The following NPAS3 variants were observed in gnomAD, a reference collection of about 807,000 sequenced individuals.
The protein encoded by NPAS3 is neuronal PAS domain-containing protein 3.
A neutral mutation model predicts 73.1 loss-of-function variants in NPAS3; 14 were observed. The observed-to-expected ratio is 0.19, with a 90% CI of 0.13 to 0.30. NPAS3 has a LOEUF of 0.30. Ranked by LOEUF, NPAS3 falls within the 10% of genes least tolerant of loss-of-function variation. The pLI, the probability that NPAS3 is intolerant of heterozygous loss-of-function variation, is 1.00. For synonymous variants in NPAS3, 620 were observed against 541.5 expected (o/e 1.14, Z -2.01); for missense variants, 1,096 against 1,250.0 (o/e 0.88, Z 1.86).
chr14:33,591,357 A>C (rs2057058732), intron 5 of NPAS3, among the ~76,000 whole-genome samples: 1 of 152,156 alleles, frequency 6.6e-6, no homozygotes, highest in African/African-American at 2.4e-5. Context: ...CACACAAACA[A>C]TTATACTAAA....
At chr14:33,521,724 T>A (rs1345591756) in intron 4 of NPAS3, among the ~76,000 whole-genome samples, 11 of 152,168 alleles carry the variant, frequency 7.2e-5, no homozygotes, top group Admixed American at 7.2e-4. Flanking sequence ...TCTTATTGAA[T>A]TGTATTTCTA....
chr14:33,008,356 C>T (rs532460932), intron 1 of NPAS3, among the ~76,000 whole-genome samples: 1 of 152,082 alleles, frequency 6.6e-6, no homozygotes, highest in South Asian at 2.1e-4. Flanking sequence ...TTATGCTAAA[C>T]AAAAAAGTCA....
Position 33,784,721 on chromosome 14 carries a change from TTTTA to T in NPAS3, c.1153+6173_1153+6176del, listed in dbSNP as rs1555333477. Among the ~76,000 whole-genome samples, 981 of 103,580 alleles carry T rather than the reference TTTTA, an allele frequency of 9.5e-3. 4 individuals carry two copies. The highest frequency in any genetic ancestry group is 0.018 in the Middle Eastern group (3 of 166). The allele number at this position is 103,580 out of a possible 152,430, so 68.0% of individuals were successfully genotyped here. A position where few individuals can be genotyped will look rare whatever the true frequency, so the allele number is the denominator to read the frequency against. Reference sequence around the variant, plus strand: ...AGCTGCTTTTATTTTTTATTGTTATTTTTATTTATTTATTTATTTATTTATTTTT... The same window carrying T: ...AGCTGCTTTTATTTTTTATTGTTATTTTTATTTATTTATTTATTTATTTTT... On this transcript the variant is annotated intron_variant, in intron 9 of 11. Coordinates refer to ENST00000356141, the Ensembl canonical transcript of NPAS3.
chr14:33,124,782 A>G lies in NPAS3; in HGVS notation c.140+68788A>G, dbSNP rs979165532. On this transcript the variant is annotated intron_variant, in intron 2 of 11. Coordinates refer to ENST00000356141, the Ensembl canonical transcript of NPAS3. ...TTTTAAGCAGACTTTATAATTGAGT[A>G]TAAAATAAGAAAGATGTTTAAACAT... 5.9e-5 allele frequency among the ~76,000 whole-genome samples: 9 copies of G among 152,142 alleles called. No homozygotes were observed. The South Asian group carries it at 1.5e-3, about 25-fold the overall frequency.
At chr14:33,022,664 C>CAAAAA (rs34475386) in intron 1 of NPAS3, among the ~76,000 whole-genome samples, 1 of 97,462 alleles carries the variant, frequency 1.0e-5, no homozygotes. Flanking sequence ...GACTCCGTCC[C>CAAAAA]AAAAAAAAAA....
chr14:33,332,247 A>T (rs1278902559), intron 3 of NPAS3, among the ~76,000 whole-genome samples: 1 of 152,074 alleles, frequency 6.6e-6, no homozygotes, highest in African/African-American at 2.4e-5. Flanking sequence ...GCTTGGCTTG[A>T]CCTCTTAACT....
intron 5 of NPAS3, among the ~76,000 whole-genome samples, chr14:33,606,814 A>G (rs770134103): frequency 6.6e-6 from 1 of 152,212 alleles, no homozygotes; most frequent in Non-Finnish European, 1.5e-5. Flanking sequence ...CACAGACAGG[A>G]AGGAAACATT....
intron 4 of NPAS3, among the ~76,000 whole-genome samples, chr14:33,471,910 G>C (rs949962985): frequency 3.3e-5 from 5 of 152,176 alleles, no homozygotes; most frequent in African/African-American, 1.2e-4. Context: ...GCTCCTGTCA[G>C]ATCAGTGGCA....
At chr14:33,557,139 A>G (rs763230821) in intron 4 of NPAS3, among the ~76,000 whole-genome samples, 5 of 151,938 alleles carry the variant, frequency 3.3e-5, no homozygotes, top group Non-Finnish European at 5.9e-5. Context: ...GGAAGGAAAT[A>G]TCTCTCCCCT....
chr14:33,745,660 T>C (rs1396782902), intron 7 of NPAS3, among the ~76,000 whole-genome samples: 1 of 152,212 alleles, frequency 6.6e-6, no homozygotes, highest in East Asian at 1.9e-4. Flanking sequence ...GATGCACCTG[T>C]ACCTATGAAA....
chr14:33,752,052 T>C (rs542817728), intron 7 of NPAS3, among the ~76,000 whole-genome samples: 187 of 152,332 alleles, frequency 1.2e-3, no homozygotes, highest in Admixed American at 3.6e-3. Flanking sequence ...AACCTTTATA[T>C]TCCTGGATTG....
chr14:33,726,865 C>T (rs2061281510), intron 6 of NPAS3, among the ~76,000 whole-genome samples: 1 of 152,132 alleles, frequency 6.6e-6, no homozygotes. Flanking sequence ...AGAAGAACAA[C>T]CTTTAAAATA....
chr14:33,170,250 T>C (rs1292611534), intron 2 of NPAS3, among the ~76,000 whole-genome samples: 2 of 152,220 alleles, frequency 1.3e-5, no homozygotes, highest in Admixed American at 6.5e-5. Context: ...AACATTATGC[T>C]GTAGTCTAAG....
At chr14:33,265,814 C>T (rs926983547) in intron 3 of NPAS3, among the ~76,000 whole-genome samples, 2 of 152,024 alleles carry the variant, frequency 1.3e-5, no homozygotes, top group Non-Finnish European at 2.9e-5. Flanking sequence ...AAGGAATCTA[C>T]GTTGGCTTTC....
intron 5 of NPAS3, chr14:33,560,436 G>A (rs1206018079): frequency 5.0e-6 from 2 of 396,254 alleles, no homozygotes; most frequent in Non-Finnish European, 4.5e-6. Flanking sequence ...CACCCCCCAA[G>A]GATCATTATT....
intron 6 of NPAS3, among the ~76,000 whole-genome samples, chr14:33,711,675 C>T (rs796663924): frequency 3.3e-4 from 50 of 152,268 alleles, no homozygotes; most frequent in African/African-American, 1.1e-3. Flanking sequence ...GCCACCTACC[C>T]ATCACATTTA....
intron 4 of NPAS3, among the ~76,000 whole-genome samples, chr14:33,475,613 T>C (rs1566935472): frequency 6.6e-6 from 1 of 151,570 alleles, no homozygotes; most frequent in East Asian, 1.9e-4. Context: ...GTTCAAGAAC[T>C]GTCTGAAATC....
At chr14:33,165,032 G>GT (rs370856038) in intron 2 of NPAS3, among the ~76,000 whole-genome samples, 151 of 152,234 alleles carry the variant, frequency 9.9e-4, no homozygotes, top group Non-Finnish European at 1.9e-3. Context: ...TATGAAAGGT[G>GT]TAAGAGAGAC....
At chr14:33,031,769 T>G (rs2040003593) in intron 1 of NPAS3, among the ~76,000 whole-genome samples, 1 of 152,254 alleles carries the variant, frequency 6.6e-6, no homozygotes, top group Non-Finnish European at 1.5e-5. Flanking sequence ...CCCAAAATGC[T>G]GGGATTACAG....
Sources: allele counts gnomAD v4.1 joint callset (sites outside exome capture counted in the v4.1 genomes callset), GRCh38; gene constraint gnomAD v4.1.1; transcripts MANE v1.5; gene names NCBI Gene and HGNC (gene_info 2026-07-23, HGNC 2026-07-21).